The following TMPRSS7 variants were observed in gnomAD, a reference collection of about 807,000 sequenced individuals.
TMPRSS7 encodes transmembrane serine protease 7.
A neutral mutation model predicts 95.6 loss-of-function variants in TMPRSS7; 81 were observed. The ratio of observed to expected loss-of-function variants is 0.85; its 90% CI spans 0.71 to 1.02. The LOEUF (loss-of-function observed/expected upper bound fraction) is 1.02, where lower values mean the gene tolerates loss of function less well. Among genes scored for constraint, TMPRSS7 ranks in the 50% least tolerant of loss-of-function variants. The probability of loss-of-function intolerance (pLI) is 0.00; values close to 1 mark genes in which losing one functional copy is unlikely to be tolerated. For missense variants in TMPRSS7, 945 were observed against 955.2 expected (o/e 0.99, Z 0.14); for synonymous variants, 364 against 337.8 (o/e 1.08, Z -0.85).
At chr3:112,050,903 T>C in intron 9 of TMPRSS7, 120 bp downstream of exon 9, 2 of 537,104 alleles carry the variant, frequency 3.7e-6, no homozygotes, top group African/African-American at 1.9e-5. Context: ...TTCAGTATTA[T>C]TGAAATATAT....
intron 13 of TMPRSS7, among the ~76,000 whole-genome samples, chr3:112,069,384 A>C (rs1170117949): frequency 6.6e-6 from 1 of 152,188 alleles, no homozygotes; most frequent in African/African-American, 2.4e-5. Context: ...TGATTGGAAT[A>C]GTTTCAGAAG....
chr3:112,068,542 C>A (rs1183394254), intron 13 of TMPRSS7, among the ~76,000 whole-genome samples: 2 of 152,148 alleles, frequency 1.3e-5, no homozygotes, highest in Non-Finnish European at 2.9e-5. Flanking sequence ...TCCTTCACAT[C>A]CCTTGTAAGC....
At chr3:112,077,008 T>C in exon 16 of TMPRSS7, 1 of 1,614,192 alleles carries the variant, frequency 6.2e-7, no homozygotes, top group Non-Finnish European at 8.5e-7. Flanking sequence ...ATGATATTGC[T>C]TTGCTACAGC....
chr3:112,081,037 T>C (rs1406913731), exon 18 of TMPRSS7: 1 of 1,613,008 alleles, frequency 6.2e-7, no homozygotes, highest in Non-Finnish European at 8.5e-7. Context: ...CACAAGGGTG[T>C]CAAACTTTGT....
At chr3:112,077,702 T>C (rs970130296) in intron 16 of TMPRSS7, among the ~76,000 whole-genome samples, 2 of 152,078 alleles carry the variant, frequency 1.3e-5, no homozygotes, top group Non-Finnish European at 2.9e-5. Context: ...CCAGAGGAGA[T>C]ACCTTTTTGC....
Position 112,074,521 on chromosome 3 carries a change from G to GA in TMPRSS7, c.1783+109_1783+110insA, listed in dbSNP as rs2073690006. 1.2e-5 allele frequency: 9 copies of GA among 739,458 alleles called. No homozygotes were observed. In the East Asian group the frequency reaches 2.5e-4, roughly 20 times the overall value. The allele number at this position is 739,458 out of a possible 1,614,324, so 45.8% of individuals were successfully genotyped here. ...ATTTCCCTTGATCGAGGTTGCCATAGCCAAAACAAGAATAGTAACTATTGA... is the reference window on the plus strand; with the variant it reads ...ATTTCCCTTGATCGAGGTTGCCATAGACCAAAACAAGAATAGTAACTATTGA... On this transcript the variant is annotated intron_variant, in intron 14 of 17. Transcript: ENST00000452346.
chr3:112,051,524 TATC>T, intron 9 of TMPRSS7, among the ~76,000 whole-genome samples: 1 of 51,168 alleles, frequency 2.0e-5, no homozygotes, highest in African/African-American at 7.3e-5. Context: ...AATATCTATC[TATC>T]TATCTATCTA....
At chr3:112,048,647 G>A (rs962604012) in intron 7 of TMPRSS7, among the ~76,000 whole-genome samples, 10 of 152,096 alleles carry the variant, frequency 6.6e-5, no homozygotes, top group Non-Finnish European at 1.0e-4. Context: ...ATTTTTAACC[G>A]TGTCTATGGA....
exon 2 of TMPRSS7, chr3:112,038,297 T>C (rs1432959700): frequency 3.8e-5 from 27 of 702,690 alleles, no homozygotes; most frequent in Non-Finnish European, 6.8e-5. Flanking sequence ...AGTCATAGCC[T>C]GGACACTTCT....
At chr3:112,038,811 C>T (rs1160484456) in intron 2 of TMPRSS7, among the ~76,000 whole-genome samples, 1 of 152,084 alleles carries the variant, frequency 6.6e-6, no homozygotes, top group Non-Finnish European at 1.5e-5. Flanking sequence ...AGACATAAGC[C>T]AGAATTCTCT....
chr3:112,076,915 G>A (rs1433102862), exon 16 of TMPRSS7: 6 of 1,614,210 alleles, frequency 3.7e-6, no homozygotes, highest in Non-Finnish European at 5.1e-6. Flanking sequence ...ACCTCGGGAT[G>A]TATGTTCAGG....
At chr3:112,074,741 A>T (rs1342719395) in intron 14 of TMPRSS7, among the ~76,000 whole-genome samples, 1 of 152,212 alleles carries the variant, frequency 6.6e-6, no homozygotes, top group Non-Finnish European at 1.5e-5. Context: ...ATGACCTGTT[A>T]ATGCCTTATG....
At chr3:112,053,528 ACAGG>A (rs2073391653) in intron 9 of TMPRSS7, among the ~76,000 whole-genome samples, 1 of 152,220 alleles carries the variant, frequency 6.6e-6, no homozygotes, top group African/African-American at 2.4e-5. Context: ...CTTACAGACT[ACAGG>A]GGAAGAAGGA....
At chr3:112,077,278 G>T (rs140732241) in intron 16 of TMPRSS7, 134 bp downstream of exon 16, 16,468 of 945,584 alleles carry the variant, frequency 0.017, 212 homozygotes, top group Middle Eastern at 0.035. Context: ...TGGAAGGTTG[G>T]ATTGGAGGAG....
At chr3:112,063,058 C>T (rs1302812945) in intron 11 of TMPRSS7, among the ~76,000 whole-genome samples, 2 of 152,180 alleles carry the variant, frequency 1.3e-5, no homozygotes, top group Admixed American at 6.5e-5. Context: ...TGGAGCACAG[C>T]TCACTTGAAA....
chr3:112,063,352 G>A (rs147552315), intron 11 of TMPRSS7, among the ~76,000 whole-genome samples, 173 bp from the exon 12 acceptor site: 43 of 152,260 alleles, frequency 2.8e-4, no homozygotes, highest in African/African-American at 9.9e-4. Context: ...TCTGTGTTCC[G>A]CTTTTTTGTC....
At chr3:112,039,898 G>C (rs543375645) in intron 2 of TMPRSS7, 1 of 152,306 alleles carries the variant, frequency 6.6e-6, no homozygotes, top group East Asian at 1.9e-4. Context: ...TCTGCATTGG[G>C]GGGCAGTCTA....
intron 11 of TMPRSS7, among the ~76,000 whole-genome samples, chr3:112,062,865 CTCAGGATGAATGAT>C (rs1346865994): frequency 6.6e-6 from 1 of 152,108 alleles, no homozygotes; most frequent in Non-Finnish European, 1.5e-5. Flanking sequence ...TACCTACGAA[CTCAGGATGAATGAT>C]TCAAGATCGG....
chr3:112,058,604 C>T, intron 10 of TMPRSS7, among the ~76,000 whole-genome samples: 1 of 151,982 alleles, frequency 6.6e-6, no homozygotes, highest in South Asian at 2.1e-4. Context: ...TAGAACGTGC[C>T]CCCAAGGCTT....
Sources: gnomAD v4.1 joint callset for allele counts (sites outside exome capture counted in the v4.1 genomes callset) on GRCh38, gnomAD v4.1.1 for gene constraint, MANE v1.5 for transcripts, NCBI Gene and HGNC (gene_info 2026-07-23, HGNC 2026-07-21) for gene names.